The following VLDLR variants were observed in gnomAD, a reference collection of about 807,000 sequenced individuals.
VLDLR encodes very low density lipoprotein receptor.
In VLDLR, 81 loss-of-function variants were observed where a neutral mutation model predicts 112.7. The ratio of observed to expected loss-of-function variants is 0.72; its 90% CI spans 0.60 to 0.86. The LOEUF (loss-of-function observed/expected upper bound fraction) is 0.86. Ranked by LOEUF, VLDLR falls within the 40% of genes least tolerant of loss-of-function variation. VLDLR has a pLI of 0.00. For missense variants in VLDLR, 1,237 were observed against 1,099.4 expected, an observed-to-expected ratio of 1.13 and a Z score of -1.77; for synonymous variants, 436 against 384.8, an observed-to-expected ratio of 1.13 and a Z score of -1.56.
At chr9:2,645,220 G>A in intron 9 of VLDLR, 138 bp downstream of exon 9, 2 of 1,291,350 alleles carry the variant, frequency 1.5e-6, no homozygotes, top group Non-Finnish European at 2.2e-6. Context: ...TAATACAGCA[G>A]TATAGGTCAA....
rs372404877 is a variant in VLDLR, at chr9:2,643,756, G to A, written c.943+6G>A. The A allele has an allele frequency of 6.8e-6, 11 of 1,614,052 alleles. No homozygotes were observed. The highest frequency in any genetic ancestry group is 7.6e-6 in the Non-Finnish European group (9 of 1,180,050). ...TGAAGTCAACTGCAAAAATGGTAAG[G>A]GTTTCTTCTTGTTGGTTAAGCAATG... On this transcript the variant is annotated splice_donor_region_variant and intron_variant, in intron 6 of 18. Transcript: ENST00000382100.
At position 2,655,660 on chromosome 9, in the gene VLDLR, G is replaced by A. The variant is rs1463239202; in HGVS notation, c.*1792G>A. On this transcript the variant is annotated 3_prime_UTR_variant, in exon 19 of 19. Transcript: ENST00000382100. ...GTTGTCTTAAGGGATGCCCCCTTGT[G>A]ATTTTGGTCAACTGAATGAAAAAGA... is the stretch of plus-strand genomic sequence containing the variant. 6.6e-6 allele frequency: 1 copy of A among 152,082 alleles called. No individual in the cohort carries two copies. 9.4% of individuals were successfully genotyped at this position (152,082 alleles called of 1,614,324 possible).
In VLDLR at chr9:2,658,873, C is replaced by T. The variant is rs1818700878; in HGVS notation, c.*5005C>T. 1 of 152,154 alleles carries T rather than the reference C, an allele frequency of 6.6e-6. No individual in the cohort carries two copies. Among genetic ancestry groups the T allele is most frequent in the South Asian group, 2.1e-4 (1 of 4,822 alleles). The allele number at this position is 152,154 out of a possible 1,614,324, so 9.4% of individuals were successfully genotyped here. On this transcript the variant is annotated 3_prime_UTR_variant, in exon 19 of 19. Coordinates refer to ENST00000382100, the MANE Select transcript of VLDLR (RefSeq NM_003383.5). Reference sequence around the variant, plus strand: ...TAGATGGTGACCGAAGTGTTCTCCACTACACCTGTCTGAAGAGATCTAAGT... The same window carrying T: ...TAGATGGTGACCGAAGTGTTCTCCATTACACCTGTCTGAAGAGATCTAAGT...
intron 7 of VLDLR, 91 bp from the exon 8 acceptor site, chr9:2,644,643 T>C (rs1327760402): frequency 6.3e-7 from 1 of 1,577,472 alleles, no homozygotes; most frequent in East Asian, 2.2e-5. Flanking sequence ...CCAGGCCAAC[T>C]AGATAAGTTA....
rs199596953 is a variant in VLDLR, at chr9:2,657,578, G to T, written c.*3710G>T. 6.6e-6 allele frequency: 1 copy of T among 152,200 alleles called. No individual in the cohort carries two copies. The highest frequency in any genetic ancestry group is 2.4e-5 in the African/African-American group (1 of 41,458). The allele number at this position is 152,200 out of a possible 1,614,324, so 9.4% of individuals were successfully genotyped here. On this transcript the variant is annotated 3_prime_UTR_variant, in exon 19 of 19. Coordinates refer to ENST00000382100, the MANE Select transcript of VLDLR (RefSeq NM_003383.5). ...AAACCACATATATATAATCCCCTGG[G>T]TATTACATATTCTGCAAGCCCTGTT...
chr9:2,646,586 A>G, intron 11 of VLDLR, 34 bp downstream of exon 11: 1 of 1,600,502 alleles, frequency 6.2e-7, no homozygotes, highest in African/African-American at 1.3e-5. Context: ...AGACTTTGGA[A>G]TGGTATCTGT....
intron 17 of VLDLR, 112 bp downstream of exon 17, chr9:2,652,066 A>G (rs1586660839): frequency 3.2e-6 from 3 of 950,328 alleles, no homozygotes. Context: ...TCTAGCATTT[A>G]TGACACTGAA....
intron 1 of VLDLR, among the ~76,000 whole-genome samples, chr9:2,622,541 C>T (rs1256406566): frequency 6.6e-6 from 1 of 152,238 alleles, no homozygotes; most frequent in Non-Finnish European, 1.5e-5. Context: ...CCCAGAGCCG[C>T]TGCTTCGCCT....
chr9:2,647,976 G>T lies in VLDLR; in HGVS notation c.1823-232G>T, dbSNP rs567375946. 2.6e-5 allele frequency among the ~76,000 whole-genome samples: 4 copies of T among 152,310 alleles called. No homozygotes were observed. The East Asian group carries it at 7.7e-4, about 29-fold the overall frequency. On this transcript the variant is annotated intron_variant, in intron 12 of 18. Transcript: ENST00000382100. ...CCTCTTTTAATATTTTCTGTAATGT[G>T]AGTAATATTTCTTAAGTCATTTGCT...
intron 1 of VLDLR, among the ~76,000 whole-genome samples, chr9:2,631,333 A>C (rs1817341040): frequency 6.6e-6 from 1 of 152,224 alleles, no homozygotes; most frequent in African/African-American, 2.4e-5. Flanking sequence ...CAAAGGAAAA[A>C]TCAGTATATC....
In VLDLR at chr9:2,622,222, G is replaced by A. The variant is rs1357709021; in HGVS notation, c.33G>A (p.Leu11=). ...CGTCCGCGCTCTGGGCGCTCTGGCTGCTGCTCGCGCTGTGCTGGGCGCCCC... is the reference window on the plus strand; with the variant it reads ...CGTCCGCGCTCTGGGCGCTCTGGCTACTGCTCGCGCTGTGCTGGGCGCCCC... The part of the protein sequence containing the change: MGTSALWALW[L]LLALCWAPRE... Residue 11 remains leucine, a synonymous_variant, in exon 1 of 19, where the codon CTG becomes CTA. Transcript: ENST00000382100. 2 of 1,505,942 alleles carry A rather than the reference G, an allele frequency of 1.3e-6. No homozygotes were observed. The highest frequency in any genetic ancestry group is 1.4e-5 in the African/African-American group (1 of 69,550). 93.3% of individuals were successfully genotyped at this position (1,505,942 alleles called of 1,614,324 possible).
At chr9:2,630,457 G>A (rs1418558935) in intron 1 of VLDLR, among the ~76,000 whole-genome samples, 1 of 152,132 alleles carries the variant, frequency 6.6e-6, no homozygotes, top group Non-Finnish European at 1.5e-5. Context: ...TGGCCCTGGT[G>A]GCCCCAGCAG....
chr9:2,630,808 A>G (rs1817316026), intron 1 of VLDLR, among the ~76,000 whole-genome samples: 1 of 152,230 alleles, frequency 6.6e-6, no homozygotes, highest in African/African-American at 2.4e-5. Flanking sequence ...CTTAGGCCAC[A>G]AAAACAAAAT....
chr9:2,640,885 A>G (rs1348939662), intron 3 of VLDLR, among the ~76,000 whole-genome samples: 7 of 152,240 alleles, frequency 4.6e-5, no homozygotes, highest in Non-Finnish European at 5.9e-5. Context: ...TGGTCAAGTC[A>G]AGCATTAGGG....
intron 1 of VLDLR, among the ~76,000 whole-genome samples, chr9:2,623,331 A>C (rs897297102): frequency 6.6e-6 from 1 of 152,204 alleles, no homozygotes; most frequent in African/African-American, 2.4e-5. Context: ...TCGGAATCCT[A>C]GCGCGTCCCC....
At chr9:2,635,687 A>G (rs888601594) in intron 2 of VLDLR, 115 bp downstream of exon 2, 1 of 1,499,198 alleles carries the variant, frequency 6.7e-7, no homozygotes, top group Non-Finnish European at 9.2e-7. Flanking sequence ...CTTTGAAAGA[A>G]TCTATACTTC....
chr9:2,650,717 G>T (rs1172387809), intron 15 of VLDLR, among the ~76,000 whole-genome samples: 1 of 152,170 alleles, frequency 6.6e-6, no homozygotes, highest in East Asian at 1.9e-4. Flanking sequence ...GTTTATAGGA[G>T]ACTAAAGTGT....
intron 12 of VLDLR, chr9:2,647,915 C>T (rs2130800641): frequency 3.5e-6 from 2 of 569,966 alleles, no homozygotes; most frequent in Non-Finnish European, 6.2e-6. Context: ...TAACAGTTTT[C>T]TTCTGGCTTT....
chr9:2,637,743 C>T (rs1817656403), intron 2 of VLDLR, among the ~76,000 whole-genome samples: 2 of 152,166 alleles, frequency 1.3e-5, no homozygotes, highest in Admixed American at 1.3e-4. Flanking sequence ...AGATCGAGAC[C>T]ACCCTGGCTA....
Sources: gnomAD v4.1 joint callset for allele counts (sites outside exome capture counted in the v4.1 genomes callset) on GRCh38, gnomAD v4.1.1 for gene constraint, MANE v1.5 for transcripts, NCBI Gene and HGNC (gene_info 2026-07-23, HGNC 2026-07-21) for gene names.